The following ZBTB25 variants were observed in gnomAD, a reference collection of about 807,000 sequenced individuals.
ZBTB25 encodes the protein zinc finger and BTB domain-containing protein 25.
Under a neutral mutation model 34.2 loss-of-function variants are expected in ZBTB25, and 20 were observed. That is an observed-to-expected ratio of 0.58 (90% CI 0.41 to 0.85). ZBTB25 has a LOEUF of 0.85. Ranked by LOEUF, ZBTB25 falls within the 40% of genes least tolerant of loss-of-function variation. The pLI is 0.00. For missense variants in ZBTB25, 437 were observed against 521.8 expected, an observed-to-expected ratio of 0.84 and a Z score of 1.58; for synonymous variants, 175 against 186.4, an observed-to-expected ratio of 0.94 and a Z score of 0.50.
At chr14:64,477,664 AG>A (rs1337745600), downstream of ZBTB25, among the ~76,000 whole-genome samples, 42 of 152,356 alleles carry the variant, frequency 2.8e-4, no homozygotes, top group African/African-American at 9.4e-4. Flanking sequence ...GAACCACTCC[AG>A]GTTCTTCAGG....
chr14:64,454,513 G>A (rs534173068), intron 2 of ZBTB25, among the ~76,000 whole-genome samples: 1 of 149,808 alleles, frequency 6.7e-6, no homozygotes, highest in African/African-American at 2.5e-5. Context: ...GTGGACTACA[G>A]TTGTGAGTAC....
At chr14:64,476,707 A>G (rs771849715), downstream of ZBTB25, among the ~76,000 whole-genome samples, 25 of 152,260 alleles carry the variant, frequency 1.6e-4, no homozygotes, top group Non-Finnish European at 2.6e-4. Context: ...AGAAAATGCC[A>G]AAACAATTGG....
chr14:64,501,044 C>A (rs1309237805), intron 1 of ZBTB25, among the ~76,000 whole-genome samples: 1 of 152,068 alleles, frequency 6.6e-6, no homozygotes, highest in Non-Finnish European at 1.5e-5. Context: ...GAGGTAGACT[C>A]TGTCTCAAAA....
intron 1 of ZBTB25, chr14:64,502,848 A>C (rs939770297): frequency 1.0e-6 from 1 of 979,642 alleles, no homozygotes; most frequent in African/African-American, 1.8e-5. Context: ...CAGATTTTCT[A>C]TAAGGCACCT....
chr14:64,451,241 C>T (rs762955204), intron 2 of ZBTB25, among the ~76,000 whole-genome samples: 1 of 151,990 alleles, frequency 6.6e-6, no homozygotes, highest in Non-Finnish European at 1.5e-5. Flanking sequence ...AGGCTGGTCT[C>T]GAACTCCTGG....
intron 1 of ZBTB25, among the ~76,000 whole-genome samples, chr14:64,501,469 T>A (rs1315367307): frequency 6.6e-6 from 1 of 152,216 alleles, no homozygotes; most frequent in African/African-American, 2.4e-5. Flanking sequence ...CTTAAAAGAC[T>A]GAAGTTCACA....
chr14:64,493,378 C>T (rs971071392), intron 1 of ZBTB25, among the ~76,000 whole-genome samples: 2 of 152,160 alleles, frequency 1.3e-5, no homozygotes, highest in African/African-American at 2.4e-5. Flanking sequence ...TGGACAATGA[C>T]AGTATCTAAC....
chr14:64,497,391 G>A (rs1174722992), intron 1 of ZBTB25, among the ~76,000 whole-genome samples: 3 of 152,110 alleles, frequency 2.0e-5, no homozygotes, highest in Admixed American at 2.0e-4. Flanking sequence ...TCTCTAGTAT[G>A]TGAAATAGCT....
intron 2 of ZBTB25, chr14:64,459,932 A>G (rs771755947): frequency 7.2e-6 from 11 of 1,532,372 alleles, no homozygotes; most frequent in African/African-American, 1.4e-5. Context: ...CTCATCATGT[A>G]TAAATTAACA....
rs1026899076 is a variant in ZBTB25 at position 64,486,060 on chromosome 14, G to A, written c.*863C>T. The A allele has an allele frequency of 2.1e-6, 2 of 975,036 alleles. No homozygotes were observed. The highest frequency in any genetic ancestry group is 2.4e-6 in the Non-Finnish European group (2 of 820,800). The allele number at this position is 975,036 out of a possible 1,614,324, so 60.4% of individuals were successfully genotyped here. A position where few individuals can be genotyped will look rare whatever the true frequency, so the allele number is the denominator to read the frequency against. Reference sequence around the variant, plus strand: ...CACATCTGTAATCCCAGCACTTTGGGAGGCCAAGGCGGGCAGATGACGAGG... The same window carrying A: ...CACATCTGTAATCCCAGCACTTTGGAAGGCCAAGGCGGGCAGATGACGAGG... On this transcript the variant is annotated 3_prime_UTR_variant, in exon 3 of 3. Transcript: ENST00000608382.
intron 2 of ZBTB25, among the ~76,000 whole-genome samples, chr14:64,456,388 G>T (rs1386984858): frequency 6.6e-6 from 1 of 152,198 alleles, no homozygotes; most frequent in East Asian, 1.9e-4. Context: ...AATTCAAAGT[G>T]TGATGGCTTA....
intron 1 of ZBTB25, among the ~76,000 whole-genome samples, chr14:64,492,567 T>C (rs567374189): frequency 6.6e-6 from 1 of 151,894 alleles, no homozygotes; most frequent in South Asian, 2.1e-4. Context: ...ATGGTTCATA[T>C]TGAAGCATCT....
rs577567074 is a variant in ZBTB25, at chr14:64,500,887, C to T, written c.-8+2774G>A. 3.2e-4 allele frequency among the ~76,000 whole-genome samples: 48 copies of T among 152,260 alleles called. No individual in the cohort carries two copies. The South Asian group carries it at 9.5e-3, about 30-fold the overall frequency. ...CCAACATGGCGAAACCCTGTCTCTA[C>T]TAAAAATACAAAAATTAGCCAGGTG... On this transcript the variant is annotated intron_variant, in intron 1 of 2. Transcript: ENST00000608382.
chr14:64,498,976 A>G (rs2079392196), intron 1 of ZBTB25, among the ~76,000 whole-genome samples: 2 of 152,196 alleles, frequency 1.3e-5, no homozygotes, highest in African/African-American at 4.8e-5. Flanking sequence ...TTCTAACGTG[A>G]CTGCTCAGTT....
intron 1 of ZBTB25, among the ~76,000 whole-genome samples, chr14:64,494,373 C>T (rs1485919085): frequency 1.3e-5 from 2 of 152,242 alleles, no homozygotes; most frequent in Non-Finnish European, 2.9e-5. Context: ...TGGCCCACGC[C>T]TGTAATCCCA....
At chr14:64,493,006 C>G (rs979728367) in intron 1 of ZBTB25, among the ~76,000 whole-genome samples, 25 of 151,660 alleles carry the variant, frequency 1.6e-4, no homozygotes, top group African/African-American at 5.8e-4. Flanking sequence ...TGATGGGAAA[C>G]AAGGCCAGGC....
Position 64,483,885 on chromosome 14 carries a change from A to G in ZBTB25, c.*3038T>C, listed in dbSNP as rs997335112. On this transcript the variant is annotated 3_prime_UTR_variant, in exon 3 of 3. Coordinates refer to ENST00000608382, the MANE Select transcript of ZBTB25 (RefSeq NM_006977.5). ...CTTGAATTCGAGAGGCGGAGGTTGC[A>G]GTGAGCTGAGATTGCACCACTGCAC... is the stretch of plus-strand genomic sequence containing the variant. 1 of 133,032 alleles carries G rather than the reference A, an allele frequency of 7.5e-6. No individual in the cohort carries two copies. Among genetic ancestry groups the G allele is most frequent in the Non-Finnish European group, 1.6e-5 (1 of 64,336 alleles). The allele number at this position is 133,032 out of a possible 1,614,324, so 8.2% of individuals were successfully genotyped here.
upstream of ZBTB25, chr14:64,505,013 G>C (rs958446795): frequency 2.6e-5 from 10 of 388,122 alleles, no homozygotes; most frequent in South Asian, 1.3e-3. Context: ...GACGGGCCGC[G>C]GGCCTGGCGG....
Position 64,486,927 on chromosome 14 carries a change from T to C in ZBTB25, c.1304A>G (p.Glu435Gly). 1.9e-6 allele frequency: 3 copies of C among 1,552,342 alleles called. No individual in the cohort carries two copies. Among genetic ancestry groups the C allele is most frequent in the Non-Finnish European group, 1.7e-6 (2 of 1,148,450 alleles). The change falls in exon 3 of 3, where the codon GAG (glutamate) becomes GGG (glycine). Residue 435 changes from glutamate to glycine, a missense_variant. Coordinates refer to ENST00000608382, the MANE Select transcript of ZBTB25 (RefSeq NM_006977.5). ...AAAATTCTGAAAGAGAAGCTGCTAC[T>C]CAACTAGGATAGTATCCACATTTTC... ...TQENVDTILVE is the reference protein window; with the variant it reads ...TQENVDTILVG
Sources: gnomAD v4.1 joint callset for allele counts (sites outside exome capture counted in the v4.1 genomes callset) on GRCh38, gnomAD v4.1.1 for gene constraint, MANE v1.5 for transcripts, NCBI Gene and HGNC (gene_info 2026-07-23, HGNC 2026-07-21) for gene names.